SIK3: variants seen among roughly 807,000 people sequenced by gnomAD.
SIK3 encodes the protein serine/threonine-protein kinase SIK3.
SIK3 carries 28 observed loss-of-function variants against 144.2 expected under a neutral mutation model. The ratio of observed to expected loss-of-function variants is 0.19; its 90% CI spans 0.14 to 0.27. The LOEUF (loss-of-function observed/expected upper bound fraction) is 0.27. Among genes scored for constraint, SIK3 ranks in the 10% least tolerant of loss-of-function variants. SIK3 has a pLI of 1.00. For missense variants in SIK3, 1,319 were observed against 1,776.0 expected, an observed-to-expected ratio of 0.74 and a Z score of 4.62; for synonymous variants, 686 against 676.3, an observed-to-expected ratio of 1.01 and a Z score of -0.22.
At chr11:116,853,047 G>A (rs1313288906) in intron 21 of SIK3, among the ~76,000 whole-genome samples, 1 of 152,168 alleles carries the variant, frequency 6.6e-6, no homozygotes, top group Non-Finnish European at 1.5e-5. Flanking sequence ...TTGAAGTCAG[G>A]ACCCAGCTCC....
At position 116,861,362 on chromosome 11, in the gene SIK3, G is replaced by A; in HGVS notation, c.2337C>T (p.Ser779=). The A allele has an allele frequency of 6.3e-7, 1 of 1,598,050 alleles. No homozygotes were observed. The highest frequency in any genetic ancestry group is 1.4e-5 in the African/African-American group (1 of 73,642). The change falls in exon 19 of 25, where the codon AGC becomes AGT. Residue 779 remains serine, a synonymous_variant. Coordinates refer to ENST00000445177, the MANE Select transcript of SIK3 (RefSeq NM_001366686.3). ...QLQRLRIQPS[S]PPPNHPNNHL... ...GGTTGTTGGGGTGGTTGGGGGGTGG[G>A]CTTGAAGGCTGAATCCTTAACCTTA...
chr11:116,956,137 C>T (rs1591422452), intron 2 of SIK3, among the ~76,000 whole-genome samples: 2 of 152,098 alleles, frequency 1.3e-5, no homozygotes, highest in African/African-American at 2.4e-5. Flanking sequence ...GCAAAGTTCT[C>T]GGCTGCCAAC....
chr11:116,927,428 AAT>A, intron 3 of SIK3, 48 bp from the exon 4 acceptor site: 1 of 1,585,430 alleles, frequency 6.3e-7, no homozygotes. Flanking sequence ...ACACTTGTGT[AAT>A]TTCAAAAGGT....
At chr11:116,930,850 A>G (rs1314492686) in intron 3 of SIK3, among the ~76,000 whole-genome samples, 1 of 148,670 alleles carries the variant, frequency 6.7e-6, no homozygotes, top group Non-Finnish European at 1.5e-5. Flanking sequence ...AGCTTTTTTC[A>G]CCATCAATCA....
chr11:117,007,824 C>T (rs555659420), intron 1 of SIK3, among the ~76,000 whole-genome samples: 1 of 152,270 alleles, frequency 6.6e-6, no homozygotes, highest in East Asian at 1.9e-4. Context: ...TGGCTCATGC[C>T]TGTAATCCCA....
At chr11:116,966,593 CAA>C (rs1949555897) in intron 1 of SIK3, among the ~76,000 whole-genome samples, 1 of 151,982 alleles carries the variant, frequency 6.6e-6, no homozygotes, top group African/African-American at 2.4e-5. Context: ...TGTTGGCACT[CAA>C]AGAGTTTAAG....
intron 1 of SIK3, among the ~76,000 whole-genome samples, chr11:116,978,350 C>T (rs1950025718): frequency 6.6e-6 from 1 of 152,178 alleles, no homozygotes; most frequent in South Asian, 2.1e-4. Context: ...TTCCTACGTA[C>T]TCTTCCATTC....
At chr11:117,038,425 C>T (rs534574751) in intron 1 of SIK3, among the ~76,000 whole-genome samples, 20 of 149,824 alleles carry the variant, frequency 1.3e-4, no homozygotes, top group African/African-American at 4.7e-4. Flanking sequence ...GGTGCAATCT[C>T]GGCTCACCAC....
chr11:117,079,606 T>C (rs1344265350), intron 1 of SIK3, among the ~76,000 whole-genome samples: 1 of 152,016 alleles, frequency 6.6e-6, no homozygotes, highest in East Asian at 1.9e-4. Context: ...TCATCCCCTA[T>C]CTCATTTGGT....
At chr11:116,971,871 G>A (rs1304478029) in intron 1 of SIK3, among the ~76,000 whole-genome samples, 1 of 151,758 alleles carries the variant, frequency 6.6e-6, no homozygotes, top group Admixed American at 6.6e-5. Flanking sequence ...GGTGGATCAC[G>A]AGGTCAGGAG....
In SIK3 at chr11:117,098,226, C is replaced by A; in HGVS notation, c.190G>T (p.Gly64Cys). The A allele has an allele frequency of 6.7e-7, 1 of 1,501,592 alleles. No homozygotes were observed. 93.0% of individuals were successfully genotyped at this position (1,501,592 alleles called of 1,614,324 possible). A position where few individuals can be genotyped will look rare whatever the true frequency, so the allele number is the denominator to read the frequency against. ...ATGGTGCGGTCGATCTCGTAGTAGCCGATACGGGCGGGCATGGGTCCGCGG... is the reference window on the plus strand; with the variant it reads ...ATGGTGCGGTCGATCTCGTAGTAGCAGATACGGGCGGGCATGGGTCCGCGG... ...ASRGPMPARI[G>C]YYEIDRTIGK... Residue 64 changes from glycine (G) to cysteine (C), a missense_variant, in exon 1 of 25, where the codon GGC becomes TGC. This residue lies in a region of SIK3 where 114 missense variants were observed against 116.2 expected (regional missense o/e 0.98). Coordinates refer to ENST00000445177, the MANE Select transcript of SIK3 (RefSeq NM_001366686.3).
intron 3 of SIK3, among the ~76,000 whole-genome samples, chr11:116,930,071 T>C (rs2135156901): frequency 6.6e-6 from 1 of 152,220 alleles, no homozygotes; most frequent in Admixed American, 6.5e-5. Flanking sequence ...TAAATACACT[T>C]ACGGAACAAA....
At chr11:117,096,747 A>G (rs1955491970) in intron 1 of SIK3, among the ~76,000 whole-genome samples, 1 of 152,162 alleles carries the variant, frequency 6.6e-6, no homozygotes, top group South Asian at 2.1e-4. Flanking sequence ...TCAGGCAGAA[A>G]GATGGTGGGG....
chr11:117,092,611 G>A (rs11216273), intron 1 of SIK3, among the ~76,000 whole-genome samples: 35 of 152,070 alleles, frequency 2.3e-4, no homozygotes, highest in African/African-American at 8.5e-4. Context: ...GTTCATTGGT[G>A]CACTCCAGAC....
intron 1 of SIK3, among the ~76,000 whole-genome samples, chr11:117,041,629 A>G (rs1024476590): frequency 3.9e-5 from 6 of 152,182 alleles, no homozygotes; most frequent in African/African-American, 1.4e-4. Flanking sequence ...TAACAGTTCT[A>G]TAATCATTTT....
intron 13 of SIK3, 29 bp from the exon 14 acceptor site, chr11:116,870,430 A>G: frequency 6.2e-7 from 1 of 1,612,144 alleles, no homozygotes. Flanking sequence ...GAAAAGCTCA[A>G]GGTGGCAGCT....
chr11:117,078,567 AT>A, intron 1 of SIK3, among the ~76,000 whole-genome samples: 1 of 151,752 alleles, frequency 6.6e-6, no homozygotes, highest in South Asian at 2.1e-4. Context: ...GGCCCAGCTA[AT>A]TTTTTTGTAT....
Position 116,870,364 on chromosome 11 carries a change from G to A in SIK3, c.1775C>T (p.Ser592Leu). 1 of 1,612,546 alleles carries A rather than the reference G, an allele frequency of 6.2e-7. No individual in the cohort carries two copies. Among genetic ancestry groups the A allele is most frequent in the South Asian group, 1.1e-5 (1 of 90,986 alleles). ...AGCTTCCTGGTCTGGCTCCCCGTCT[G>A]AGCTCTCCTCGTCCACAGGGGTAAC... ...PAVTPVDEES[S>L]DGEPDQEAVQ... Residue 592 changes from serine (S) to leucine (L), a missense_variant, in exon 14 of 25, where the codon TCA (serine) becomes TTA (leucine). By Grantham distance (145) the Ser-to-Leu change is moderately radical (BLOSUM62 -2). Coordinates refer to ENST00000445177, the MANE Select transcript of SIK3 (RefSeq NM_001366686.3).
At chr11:116,966,653 C>A (rs1386417779) in intron 1 of SIK3, among the ~76,000 whole-genome samples, 1 of 151,120 alleles carries the variant, frequency 6.6e-6, no homozygotes, top group East Asian at 1.9e-4. Flanking sequence ...CAACCTACAA[C>A]TTATAGAAAT....
Sources: allele counts gnomAD v4.1 joint callset (sites outside exome capture counted in the v4.1 genomes callset), GRCh38; gene constraint gnomAD v4.1.1; regional missense constraint gnomAD v4.1.1; transcripts MANE v1.5; gene names NCBI Gene and HGNC (gene_info 2026-07-23, HGNC 2026-07-21).